KCNB2: variants seen among roughly 807,000 people sequenced by gnomAD.
The protein encoded by KCNB2 is delayed rectifier potassium channel protein.
A neutral mutation model predicts 61.5 loss-of-function variants in KCNB2; 15 were observed. The observed-to-expected ratio is 0.24, with a 90% CI of 0.16 to 0.38. The LOEUF (loss-of-function observed/expected upper bound fraction) is 0.38. KCNB2 is among the 10% of genes least tolerant of loss of function. KCNB2 has a pLI of 1.00. For missense variants in KCNB2, 828 were observed against 1,125.2 expected (o/e 0.74, Z 3.78); for synonymous variants, 457 against 446.0 (o/e 1.02, Z -0.31).
chr8:72,705,799 A>G (rs1807214398), intron 2 of KCNB2, among the ~76,000 whole-genome samples: 1 of 152,234 alleles, frequency 6.6e-6, no homozygotes, highest in Non-Finnish European at 1.5e-5. Flanking sequence ...GATTGTTACC[A>G]GGGTGTCTGA....
intron 2 of KCNB2, among the ~76,000 whole-genome samples, chr8:72,835,516 G>C (rs1159351998): frequency 6.6e-6 from 1 of 152,120 alleles, no homozygotes; most frequent in Non-Finnish European, 1.5e-5. Context: ...TTTAAGGTTG[G>C]CACTGAGAGC....
intron 2 of KCNB2, among the ~76,000 whole-genome samples, chr8:72,916,868 G>T (rs1806411278): frequency 1.3e-5 from 2 of 152,166 alleles, no homozygotes; most frequent in South Asian, 4.1e-4. Context: ...TCTCTCCAGT[G>T]TCCAACCTTA....
At chr8:72,558,290 C>T (rs1400138193) in intron 1 of KCNB2, among the ~76,000 whole-genome samples, 3 of 152,194 alleles carry the variant, frequency 2.0e-5, no homozygotes, top group Non-Finnish European at 2.9e-5. Flanking sequence ...ATGTAAGCTG[C>T]ACCATGTCAG....
chr8:72,758,347 C>T (rs368415820), intron 2 of KCNB2, among the ~76,000 whole-genome samples: 30 of 152,318 alleles, frequency 2.0e-4, no homozygotes, highest in African/African-American at 7.0e-4. Context: ...AGCAAACAAA[C>T]AGCATTGTGA....
chr8:72,841,175 G>T (rs185255762), intron 2 of KCNB2, among the ~76,000 whole-genome samples: 55 of 152,110 alleles, frequency 3.6e-4, no homozygotes, highest in African/African-American at 1.2e-3. Flanking sequence ...TTTCCCCATT[G>T]CTTGTTTTTG....
intron 2 of KCNB2, among the ~76,000 whole-genome samples, chr8:72,838,191 T>C (rs1809816117): frequency 6.6e-6 from 1 of 152,166 alleles, no homozygotes; most frequent in Admixed American, 6.5e-5. Context: ...GCTGTATATG[T>C]GCCATGTTGG....
At chr8:72,646,513 T>C (rs1182686541) in intron 2 of KCNB2, among the ~76,000 whole-genome samples, 4 of 152,124 alleles carry the variant, frequency 2.6e-5, no homozygotes, top group African/African-American at 4.8e-5. Context: ...TCCCAAAAAA[T>C]TGATCAAAAA....
At chr8:72,619,378 G>T in intron 2 of KCNB2, 2 of 519,588 alleles carry the variant, frequency 3.8e-6, no homozygotes, top group Non-Finnish European at 7.6e-6. Context: ...CTTGCTTTCT[G>T]CCTGTTTCAA....
At chr8:72,905,051 G>A (rs1025342499) in intron 2 of KCNB2, among the ~76,000 whole-genome samples, 1 of 152,102 alleles carries the variant, frequency 6.6e-6, no homozygotes, top group Non-Finnish European at 1.5e-5. Context: ...TTTTAACCAT[G>A]AAACACCTGC....
intron 2 of KCNB2, among the ~76,000 whole-genome samples, chr8:72,591,318 A>G (rs1039678744): frequency 6.6e-6 from 1 of 152,168 alleles, no homozygotes. Context: ...TGCTTCTTTC[A>G]GGGCATCCAA....
intron 2 of KCNB2, among the ~76,000 whole-genome samples, chr8:72,619,940 G>C (rs948013533): frequency 8.5e-5 from 13 of 152,126 alleles, no homozygotes; most frequent in African/African-American, 2.9e-4. Context: ...AATGTAGCTA[G>C]TCTGAATTAA....
chr8:72,848,037 T>C (rs1810028800), intron 2 of KCNB2, among the ~76,000 whole-genome samples: 1 of 152,222 alleles, frequency 6.6e-6, no homozygotes, highest in South Asian at 2.1e-4. Context: ...GCTTTCACTT[T>C]CTGTTATTTC....
rs558839748 is a variant in KCNB2, at chr8:72,590,941, TG to T, written c.579+22630del. ...TTTTAATTATAGTAGCTAAAACCTTTGGTTCTGATTTAAATTTGACATTTAA... is the reference window on the plus strand; with the variant it reads ...TTTTAATTATAGTAGCTAAAACCTTTGTTCTGATTTAAATTTGACATTTAA... On this transcript the variant is annotated intron_variant, in intron 2 of 2. Coordinates refer to ENST00000523207, the MANE Select transcript of KCNB2 (RefSeq NM_004770.3). 3.1e-4 allele frequency among the ~76,000 whole-genome samples: 47 copies of T among 152,292 alleles called. 1 individual carries two copies. The South Asian group carries it at 9.7e-3, about 32-fold the overall frequency.
intron 2 of KCNB2, among the ~76,000 whole-genome samples, chr8:72,748,619 T>TTTG (rs1808124915): frequency 6.6e-6 from 1 of 150,914 alleles, no homozygotes; most frequent in African/African-American, 2.4e-5. Flanking sequence ...GTTGTTTTTT[T>TTTG]TTTTTTGAAA....
At chr8:72,923,651 G>A (rs1297447990) in intron 2 of KCNB2, among the ~76,000 whole-genome samples, 1 of 152,096 alleles carries the variant, frequency 6.6e-6, no homozygotes, top group African/African-American at 2.4e-5. Context: ...GGGGGGCTTA[G>A]AATTTTATTT....
chr8:72,582,403 A>G (rs1276764324), intron 2 of KCNB2, among the ~76,000 whole-genome samples: 1 of 152,200 alleles, frequency 6.6e-6, no homozygotes, highest in African/African-American at 2.4e-5. Flanking sequence ...CTTCCAGCAC[A>G]TTCTACAGTT....
chr8:72,682,238 A>C (rs548840754), intron 2 of KCNB2, among the ~76,000 whole-genome samples: 94 of 152,242 alleles, frequency 6.2e-4, no homozygotes, highest in African/African-American at 2.2e-3. Context: ...TGGCTACCCC[A>C]CCTAACATAC....
intron 2 of KCNB2, among the ~76,000 whole-genome samples, chr8:72,681,875 A>C (rs2256431): frequency 6.6e-5 from 10 of 151,950 alleles, no homozygotes; most frequent in Non-Finnish European, 1.2e-4. Flanking sequence ...TGGTTCATCA[A>C]GGACTGAAGC....
intron 2 of KCNB2, among the ~76,000 whole-genome samples, chr8:72,714,660 G>C (rs1214313083): frequency 6.6e-6 from 1 of 152,112 alleles, no homozygotes; most frequent in African/African-American, 2.4e-5. Context: ...CCTGAAGTAA[G>C]CACTAAACAT....
Sources: allele counts gnomAD v4.1 joint callset (sites outside exome capture counted in the v4.1 genomes callset), GRCh38; gene constraint gnomAD v4.1.1; transcripts MANE v1.5; gene names NCBI Gene and HGNC (gene_info 2026-07-23, HGNC 2026-07-21).